WDR59: variants seen among roughly 807,000 people sequenced by gnomAD.
WDR59 encodes the protein WD repeat domain 59.
Under a neutral mutation model 131.2 loss-of-function variants are expected in WDR59, and 100 were observed. The ratio of observed to expected loss-of-function variants is 0.76; its 90% CI spans 0.65 to 0.90. The LOEUF is 0.90. Among genes scored for constraint, WDR59 ranks in the 40% least tolerant of loss-of-function variants. WDR59 has a pLI of 0.00. For synonymous variants in WDR59, 601 were observed against 466.2 expected, an observed-to-expected ratio of 1.29 and a Z score of -3.72; for missense variants, 1,203 against 1,262.2, an observed-to-expected ratio of 0.95 and a Z score of 0.71.
rs373280660 is a variant in WDR59 at position 74,965,833 on chromosome 16, G to A, written c.55-11C>T. 4 of 1,613,948 alleles carry A rather than the reference G, an allele frequency of 2.5e-6. No individual in the cohort carries two copies. The highest frequency in any genetic ancestry group is 2.2e-5 in the East Asian group (1 of 44,876). ...AGACATCGCAGTTGCCTGAGAGAGA[G>A]AACACAGAGTCAGTGCTGCCAGCAA... is the stretch of plus-strand genomic sequence containing the variant. On this transcript the variant is annotated splice_polypyrimidine_tract_variant and intron_variant, in intron 1 of 25. Coordinates refer to ENST00000262144, the MANE Select transcript of WDR59 (RefSeq NM_030581.4).
chr16:74,956,403 A>T (rs1173268424), intron 3 of WDR59, 72 bp downstream of exon 3: 28 of 1,560,836 alleles, frequency 1.8e-5, no homozygotes, highest in Non-Finnish European at 2.3e-5. Context: ...TCTTCTCTAC[A>T]CAGGGCATAG....
Position 74,958,834 on chromosome 16 carries a change from G to A in WDR59, c.105-2224C>T, listed in dbSNP as rs1024049240. Among the ~76,000 whole-genome samples the A allele has an allele frequency of 1.5e-4, 20 of 132,390 alleles. 3 individuals carry two copies. In the East Asian group the frequency reaches 1.7e-3, roughly 11 times the overall value. 86.9% of individuals were successfully genotyped at this position (132,390 alleles called of 152,430 possible). ...TCCCAGCACTGTGGGAGGCCGAGGC[G>A]GATGGATCACCTGAGGTCAGGAGTT... On this transcript the variant is annotated intron_variant, in intron 2 of 25. Transcript: ENST00000262144.
At chr16:74,913,041 A>G (rs1183689489) in intron 13 of WDR59, among the ~76,000 whole-genome samples, 3 of 140,704 alleles carry the variant, frequency 2.1e-5, no homozygotes, top group Admixed American at 7.2e-5. Flanking sequence ...CTTTATGGCC[A>G]GTTTTGGGGC....
chr16:74,880,697 A>G (rs1471346094), intron 25 of WDR59, among the ~76,000 whole-genome samples: 3 of 152,230 alleles, frequency 2.0e-5, no homozygotes, highest in African/African-American at 4.8e-5. Flanking sequence ...GAAACTTGAT[A>G]GAGGTGAAAT....
At chr16:74,954,376 C>T (rs917886285) in intron 3 of WDR59, among the ~76,000 whole-genome samples, 1 of 152,166 alleles carries the variant, frequency 6.6e-6, no homozygotes, top group South Asian at 2.1e-4. Context: ...CCACTGCACT[C>T]CAGCCTGGGC....
Position 74,874,184 on chromosome 16 carries a change from C to T in WDR59, c.*25G>A, listed in dbSNP as rs758722637. The T allele has an allele frequency of 1.2e-4, 198 of 1,592,072 alleles. No homozygotes were observed. Among genetic ancestry groups the T allele is most frequent in the Non-Finnish European group, 1.7e-4 (193 of 1,164,504 alleles). ...GGCACTTATGGGTCCTCTGGGATTTCAGACAATACCCAACTTCTGTAGGTT... is the reference window on the plus strand; with the variant it reads ...GGCACTTATGGGTCCTCTGGGATTTTAGACAATACCCAACTTCTGTAGGTT... On this transcript the variant is annotated 3_prime_UTR_variant, in exon 26 of 26. Coordinates refer to ENST00000262144, the MANE Select transcript of WDR59 (RefSeq NM_030581.4).
intron 1 of WDR59, among the ~76,000 whole-genome samples, chr16:74,978,185 T>C (rs2034264056): frequency 6.6e-6 from 1 of 151,864 alleles, no homozygotes; most frequent in Non-Finnish European, 1.5e-5. Flanking sequence ...TAGCCAGGCG[T>C]GGTGATGGGC....
intron 17 of WDR59, among the ~76,000 whole-genome samples, chr16:74,907,539 T>C (rs184683119): frequency 6.6e-6 from 1 of 152,322 alleles, no homozygotes; most frequent in East Asian, 1.9e-4. Context: ...TCTCCAGCCA[T>C]GTGGAATTGT....
Position 74,948,292 on chromosome 16 carries a change from G to A in WDR59, c.445+227C>T, listed in dbSNP as rs568401147. 5.6e-4 allele frequency among the ~76,000 whole-genome samples: 86 copies of A among 152,308 alleles called. 1 individual carries two copies. Among genetic ancestry groups the A allele is most frequent in the African/African-American group, 2.0e-3 (85 of 41,568 alleles). On this transcript the variant is annotated intron_variant, in intron 6 of 25. Coordinates refer to ENST00000262144, the MANE Select transcript of WDR59 (RefSeq NM_030581.4). ...TCTTGTCCTTGGACTCTGATATGAGGTCCTGCTCCACACCCAACAGTCCTA... is the reference window on the plus strand; with the variant it reads ...TCTTGTCCTTGGACTCTGATATGAGATCCTGCTCCACACCCAACAGTCCTA...
intron 18 of WDR59, among the ~76,000 whole-genome samples, chr16:74,902,261 T>C (rs1279982085): frequency 2.0e-5 from 3 of 152,196 alleles, no homozygotes; most frequent in Non-Finnish European, 4.4e-5. Flanking sequence ...GGCCACTTAC[T>C]ATGTCTATTA....
In WDR59 at chr16:74,888,178, A is replaced by C. The variant is rs770808575; in HGVS notation, c.2337T>G (p.His779Gln). Residue 779 changes from histidine to glutamine, a missense_variant, in exon 22 of 26, where the codon CAT (histidine) becomes CAG (glutamine). Transcript: ENST00000262144. Reference sequence around the variant, plus strand: ...AAAAGGACAAACTTACATATCGACTATGGGACACCACAAGATTAGAAGAAC... The same window carrying C: ...AAAAGGACAAACTTACATATCGACTCTGGGACACCACAAGATTAGAAGAAC... Reference protein sequence around the residue: ...PNRSSNLVVSHSRYPSFTSSG... With the variant: ...PNRSSNLVVSQSRYPSFTSSG... 5 of 1,606,140 alleles carry C rather than the reference A, an allele frequency of 3.1e-6. No individual in the cohort carries two copies. The highest frequency in any genetic ancestry group is 2.5e-6 in the Non-Finnish European group (3 of 1,177,998).
chr16:74,880,458 AAATT>A (rs1050150044), intron 25 of WDR59, among the ~76,000 whole-genome samples: 3 of 152,088 alleles, frequency 2.0e-5, no homozygotes, highest in Admixed American at 6.5e-5. Flanking sequence ...AAAAATAAAT[AAATT>A]AATTAATTAA....
At chr16:74,915,029 C>T (rs1966294948) in intron 13 of WDR59, among the ~76,000 whole-genome samples, 1 of 152,154 alleles carries the variant, frequency 6.6e-6, no homozygotes. Context: ...AATACTTGCC[C>T]CCAAAAAAGT....
intron 6 of WDR59, among the ~76,000 whole-genome samples, chr16:74,945,706 A>C (rs2032576700): frequency 6.6e-6 from 1 of 152,002 alleles, no homozygotes; most frequent in South Asian, 2.1e-4. Context: ...CCATGCAACA[A>C]ATGCTCAGTC....
chr16:74,979,838 CTTTTT>C lies in WDR59; in HGVS notation c.54+5121_54+5125del, dbSNP rs56943510. On this transcript the variant is annotated intron_variant, in intron 1 of 25. Transcript: ENST00000262144. ...ACAGGTGTGAGTCACCACACCCGGC[CTTTTT>C]TTTTTTTTTTTTTTTTTTTCTTTGA... Among the ~76,000 whole-genome samples, 5 of 60,472 alleles carry C rather than the reference CTTTTT, an allele frequency of 8.3e-5. No individual in the cohort carries two copies. In the East Asian group the frequency reaches 2.3e-3, roughly 27 times the overall value. The allele number at this position is 60,472 out of a possible 152,430, so 39.7% of individuals were successfully genotyped here.
intron 25 of WDR59, among the ~76,000 whole-genome samples, chr16:74,877,180 A>G (rs17684209): frequency 0.032 from 4,824 of 152,296 alleles, 197 homozygotes; most frequent in East Asian, 0.14. Context: ...TGTGCTGATA[A>G]GTCAGTATAT....
chr16:74,951,220 A>C (rs565405022), intron 4 of WDR59, among the ~76,000 whole-genome samples: 1 of 150,872 alleles, frequency 6.6e-6, no homozygotes. Flanking sequence ...GACTATATCC[A>C]TCCGGGATAT....
intron 17 of WDR59, among the ~76,000 whole-genome samples, chr16:74,907,909 A>T (rs1436922409): frequency 6.6e-6 from 1 of 152,226 alleles, no homozygotes. Flanking sequence ...AAGTTTAGAT[A>T]ACTTGCCCAA....
At chr16:74,891,005 T>C (rs990458561) in intron 20 of WDR59, among the ~76,000 whole-genome samples, 2 of 151,524 alleles carry the variant, frequency 1.3e-5, no homozygotes, top group Admixed American at 6.6e-5. Context: ...TCCCAGCTAC[T>C]TGGGAGGCTG....
Sources: allele counts gnomAD v4.1 joint callset (sites outside exome capture counted in the v4.1 genomes callset), GRCh38; gene constraint gnomAD v4.1.1; transcripts MANE v1.5; gene names NCBI Gene and HGNC (gene_info 2026-07-23, HGNC 2026-07-21).